The following MECOM variants were observed in gnomAD, a reference collection of about 807,000 sequenced individuals.
The protein encoded by MECOM is MDS1 and EVI1 complex locus.
In MECOM, 13 loss-of-function variants were observed where a neutral mutation model predicts 116.3. The ratio of observed to expected loss-of-function variants is 0.11; its 90% CI spans 0.07 to 0.18. MECOM has a LOEUF of 0.18. Among genes scored for constraint, MECOM ranks in the 10% least tolerant of loss-of-function variants. MECOM has a pLI of 1.00. For synonymous variants in MECOM, 528 were observed against 535.2 expected, an observed-to-expected ratio of 0.99 and a Z score of 0.19; for missense variants, 1,299 against 1,509.0, an observed-to-expected ratio of 0.86 and a Z score of 2.31.
At chr3:169,122,459 T>C (rs927686880) in intron 6 of MECOM, 121 bp downstream of exon 6, 23 of 1,148,396 alleles carry the variant, frequency 2.0e-5, no homozygotes, top group Middle Eastern at 2.0e-4. Context: ...CTCAGTGTAC[T>C]TTTCTCAAGA....
In MECOM at chr3:169,092,981, T is replaced by C. The variant is rs371191736; in HGVS notation, c.3141A>G (p.Gln1047=). The C allele has an allele frequency of 5.6e-6, 9 of 1,613,682 alleles. No individual in the cohort carries two copies. The highest frequency in any genetic ancestry group is 5.3e-5 in the African/African-American group (4 of 74,912). Residue 1047 remains glutamine (Q), a synonymous_variant, in exon 14 of 17, where the codon CAA becomes CAG. Coordinates refer to ENST00000651503, the MANE Select transcript of MECOM (RefSeq NM_004991.4). ...NFIGNSNHGS[Q]SPRNVEERMN... Reference sequence around the variant, plus strand: ...ACCTCTCCTCCACATTCCTGGGAGATTGGCTGCCATGGTTGCTGTTCCCAA... The same window carrying C: ...ACCTCTCCTCCACATTCCTGGGAGACTGGCTGCCATGGTTGCTGTTCCCAA...
At chr3:169,108,051 A>G (rs1726040032) in intron 9 of MECOM, 99 bp from the exon 10 acceptor site, 3 of 982,678 alleles carry the variant, frequency 3.1e-6, no homozygotes, top group Admixed American at 2.1e-5. Context: ...CTAACTTAGT[A>G]ATTTTTGCTT....
chr3:169,190,437 C>T (rs948012390), intron 2 of MECOM, among the ~76,000 whole-genome samples: 1 of 151,990 alleles, frequency 6.6e-6, no homozygotes, highest in Non-Finnish European at 1.5e-5. Flanking sequence ...AAAGGAAACT[C>T]AGTGCCACTC....
intron 5 of MECOM, among the ~76,000 whole-genome samples, chr3:169,125,204 T>C (rs896702060): frequency 4.6e-5 from 7 of 152,030 alleles, no homozygotes; most frequent in African/African-American, 1.4e-4. Flanking sequence ...CCTAACTTTA[T>C]CTACGATATG....
rs1009013391 is a variant in MECOM at position 169,312,685 on chromosome 3, AT to A, written c.375+68501del. The stretch of plus-strand genomic sequence containing the variant: ...GAGCCGCCGTGCCTGGCCAACTCCA[AT>A]TTTTTTTTACCTGAGCACCTAATAG... On this transcript the variant is annotated intron_variant, in intron 2 of 16. Transcript: ENST00000651503. Among the ~76,000 whole-genome samples, 8 of 151,428 alleles carry A rather than the reference AT, an allele frequency of 5.3e-5. No individual in the cohort carries two copies. The South Asian group carries it at 1.5e-3, about 28-fold the overall frequency.
At chr3:169,146,028 C>G (rs1739793568) in intron 2 of MECOM, 1 of 231,054 alleles carries the variant, frequency 4.3e-6, no homozygotes, top group African/African-American at 2.2e-5. Context: ...ATTTGTCTCC[C>G]AAATGTCTTA....
rs941469590 is a variant in MECOM at position 169,611,224 on chromosome 3, T to A, written c.37+52112A>T. Among the ~76,000 whole-genome samples, 3 of 152,232 alleles carry A rather than the reference T, an allele frequency of 2.0e-5. No homozygotes were observed. Among genetic ancestry groups the A allele is most frequent in the Admixed American group, 6.5e-5 (1 of 15,284 alleles). On this transcript the variant is annotated intron_variant, in intron 1 of 16. Transcript: ENST00000651503. The surrounding 1 kb of genome is among the most constrained non-coding windows in gnomAD (Gnocchi z 4.1). The stretch of plus-strand genomic sequence containing the variant: ...GGGAAACTGCCTCTATGATAGGCAT[T>A]TGCAAATTCACCAAGAGTGACAGAT...
At chr3:169,569,043 T>C (rs942800122) in intron 1 of MECOM, among the ~76,000 whole-genome samples, 5 of 151,992 alleles carry the variant, frequency 3.3e-5, no homozygotes, top group African/African-American at 1.2e-4. Context: ...AGACACAGAC[T>C]GGCAAATTGG....
chr3:169,562,928 G>C (rs1391005272), intron 1 of MECOM, among the ~76,000 whole-genome samples: 2 of 152,052 alleles, frequency 1.3e-5, no homozygotes, highest in Non-Finnish European at 2.9e-5. Context: ...GCCAGGCGTG[G>C]TGGCAGGCAC....
chr3:169,369,324 T>C (rs1189318236), intron 2 of MECOM, among the ~76,000 whole-genome samples: 1 of 145,114 alleles, frequency 6.9e-6, no homozygotes, highest in Non-Finnish European at 1.5e-5. Context: ...GGTAAATGTC[T>C]ATAAACTTGA....
chr3:169,639,481 A>C (rs1773203375), intron 1 of MECOM, among the ~76,000 whole-genome samples: 1 of 152,238 alleles, frequency 6.6e-6, no homozygotes, highest in Non-Finnish European at 1.5e-5. Context: ...ACAAGAAAGA[A>C]GGGCCAAGAG....
At chr3:169,312,871 T>C (rs1719066390) in intron 2 of MECOM, among the ~76,000 whole-genome samples, 1 of 152,060 alleles carries the variant, frequency 6.6e-6, no homozygotes, top group African/African-American at 2.4e-5. Flanking sequence ...AGATCTGGGA[T>C]AGAGATATAA....
At chr3:169,552,409 T>G (rs748423783) in intron 1 of MECOM, among the ~76,000 whole-genome samples, 46 of 152,174 alleles carry the variant, frequency 3.0e-4, no homozygotes, top group East Asian at 3.9e-4. Flanking sequence ...GCAAGAGTAA[T>G]AATAATAATA....
intron 2 of MECOM, among the ~76,000 whole-genome samples, chr3:169,376,991 T>C (rs899661488): frequency 3.9e-5 from 6 of 152,054 alleles, no homozygotes; most frequent in African/African-American, 7.2e-5. Context: ...AGTAGACCAA[T>C]AGAACAGAAC....
intron 1 of MECOM, among the ~76,000 whole-genome samples, chr3:169,430,465 G>T (rs1741432593): frequency 6.6e-6 from 1 of 151,590 alleles, no homozygotes; most frequent in South Asian, 2.1e-4. Context: ...TAATTTTTTA[G>T]GCCCTTGGAA....
At chr3:169,628,317 G>T (rs772621228) in intron 1 of MECOM, among the ~76,000 whole-genome samples, 2 of 152,176 alleles carry the variant, frequency 1.3e-5, no homozygotes. Context: ...TTATAGCACA[G>T]GAGAGGCCTA....
intron 8 of MECOM, among the ~76,000 whole-genome samples, chr3:169,115,116 C>T (rs1016233415): frequency 9.9e-5 from 15 of 151,972 alleles, no homozygotes; most frequent in African/African-American, 3.4e-4. Flanking sequence ...TTTTCCACTC[C>T]AAAAAAAGTG....
intron 1 of MECOM, among the ~76,000 whole-genome samples, chr3:169,546,901 A>G (rs1045317882): frequency 6.6e-6 from 1 of 152,278 alleles, no homozygotes; most frequent in African/African-American, 2.4e-5. Context: ...TTGAAAGAAC[A>G]TGAATTCAAC....
intron 1 of MECOM, among the ~76,000 whole-genome samples, chr3:169,570,466 G>C (rs973291848): frequency 6.6e-6 from 1 of 151,944 alleles, no homozygotes; most frequent in African/African-American, 2.4e-5. Context: ...GGAAAAAGAG[G>C]GACTCCTCCC....
Sources: allele counts gnomAD v4.1 joint callset (sites outside exome capture counted in the v4.1 genomes callset), GRCh38; gene constraint gnomAD v4.1.1; non-coding constraint Gnocchi (gnomAD v3.1); transcripts MANE v1.5; gene names NCBI Gene and HGNC (gene_info 2026-07-23, HGNC 2026-07-21).